Variants in SUGCT observed in about 807,000 individuals in gnomAD.
The protein encoded by SUGCT is succinyl-CoA:glutarate CoA-transferase.
Under a neutral mutation model 55.0 loss-of-function variants are expected in SUGCT, and 41 were observed. The ratio of observed to expected loss-of-function variants is 0.74; its 90% CI spans 0.58 to 0.97. The LOEUF (loss-of-function observed/expected upper bound fraction) is 0.97. Among genes scored for constraint, SUGCT ranks in the 50% least tolerant of loss-of-function variants. The probability of loss-of-function intolerance (pLI) is 0.00; values close to 1 mark genes in which losing one functional copy is unlikely to be tolerated. For synonymous variants in SUGCT, 187 were observed against 200.4 expected, an observed-to-expected ratio of 0.93 and a Z score of 0.56; for missense variants, 568 against 547.8, an observed-to-expected ratio of 1.04 and a Z score of -0.37.
the SUGCT span, among the ~76,000 whole-genome samples, chr7:40,980,201 T>A: frequency 6.6e-6 from 1 of 152,090 alleles, no homozygotes; most frequent in Non-Finnish European, 1.5e-5. Context: ...TGGTGTTTCA[T>A]CCTCACTAAT....
intron 7 of SUGCT, among the ~76,000 whole-genome samples, chr7:40,257,477 G>T (rs1249242972): frequency 6.6e-6 from 1 of 151,868 alleles, no homozygotes; most frequent in Non-Finnish European, 1.5e-5. Flanking sequence ...ACATTTCAAA[G>T]AAATGTTAAA....
At chr7:40,844,792 A>G (rs1793474468) in intron 13 of SUGCT, among the ~76,000 whole-genome samples, 1 of 152,222 alleles carries the variant, frequency 6.6e-6, no homozygotes, top group Non-Finnish European at 1.5e-5. Context: ...AAATCCAGCA[A>G]GAGATGATGG....
chr7:40,298,655 T>C (rs1794326976), intron 8 of SUGCT, among the ~76,000 whole-genome samples: 1 of 152,170 alleles, frequency 6.6e-6, no homozygotes, highest in South Asian at 2.1e-4. Flanking sequence ...AGAATTTTCC[T>C]GACCACTATC....
intron 9 of SUGCT, among the ~76,000 whole-genome samples, chr7:40,416,366 C>T (rs1787001468): frequency 1.3e-5 from 2 of 151,498 alleles, no homozygotes; most frequent in South Asian, 4.2e-4. Context: ...TCTCAGAGCC[C>T]AAATTTGAAT....
intron 8 of SUGCT, among the ~76,000 whole-genome samples, chr7:40,302,699 C>T (rs1011891502): frequency 1.3e-5 from 2 of 152,088 alleles, no homozygotes; most frequent in Non-Finnish European, 2.9e-5. Flanking sequence ...TAGACCAGGC[C>T]CACTCAAGAT....
chr7:40,424,896 C>T (rs1787506628), intron 9 of SUGCT, among the ~76,000 whole-genome samples: 1 of 151,998 alleles, frequency 6.6e-6, no homozygotes, highest in Admixed American at 6.6e-5. Flanking sequence ...AATTGCCAAG[C>T]ATAGAGTCAG....
intron 12 of SUGCT, among the ~76,000 whole-genome samples, chr7:40,679,573 A>G (rs2151883658): frequency 6.6e-6 from 1 of 152,290 alleles, no homozygotes; most frequent in Middle Eastern, 3.4e-3. Flanking sequence ...ATAGTACTCT[A>G]GACAACCTTT....
At position 40,555,183 on chromosome 7, in the gene SUGCT, T is replaced by A. The variant is rs554065340; in HGVS notation, c.1089+58797T>A. On this transcript the variant is annotated intron_variant, in intron 12 of 13. Coordinates refer to ENST00000335693, the MANE Select transcript of SUGCT (RefSeq NM_001193313.2). Reference sequence around the variant, plus strand: ...TTATGAGCCCCCAGAGCTGGACCAGTTCCCAAAGGAAATGGAAGATCAAGA... The same window carrying A: ...TTATGAGCCCCCAGAGCTGGACCAGATCCCAAAGGAAATGGAAGATCAAGA... Among the ~76,000 whole-genome samples, 8 of 152,062 alleles carry A rather than the reference T, an allele frequency of 5.3e-5. No individual in the cohort carries two copies. The South Asian group carries it at 1.7e-3, about 32-fold the overall frequency.
At chr7:40,994,561 C>T in the SUGCT span, among the ~76,000 whole-genome samples, 4 of 152,170 alleles carry the variant, frequency 2.6e-5, no homozygotes, top group Non-Finnish European at 5.9e-5. Flanking sequence ...CAGAAACCAA[C>T]CTGGCATCCA....
At chr7:40,814,705 C>T (rs12701836) in intron 13 of SUGCT, among the ~76,000 whole-genome samples, 60,877 of 151,690 alleles carry the variant, frequency 0.4, 12,980 homozygotes, top group Middle Eastern at 0.58. Flanking sequence ...CCATTTTTGT[C>T]AGGAGCCATT....
intron 9 of SUGCT, among the ~76,000 whole-genome samples, chr7:40,363,966 A>G (rs1031444934): frequency 4.6e-5 from 7 of 152,092 alleles, no homozygotes; most frequent in Admixed American, 1.3e-4. Flanking sequence ...TTTGTAGGTC[A>G]CTCAGGACTT....
chr7:40,899,520 G>A, the SUGCT span, among the ~76,000 whole-genome samples: 14 of 152,198 alleles, frequency 9.2e-5, no homozygotes, highest in Admixed American at 5.2e-4. Context: ...AGAGCACAAC[G>A]AAAAATACAA....
At chr7:40,359,767 A>G (rs1404528075) in intron 9 of SUGCT, among the ~76,000 whole-genome samples, 1 of 152,204 alleles carries the variant, frequency 6.6e-6, no homozygotes, top group Admixed American at 6.6e-5. Context: ...TGGAGATTAA[A>G]TGAGACAACA....
intron 9 of SUGCT, among the ~76,000 whole-genome samples, chr7:40,346,049 T>A (rs1160354317): frequency 3.3e-5 from 5 of 152,032 alleles, no homozygotes; most frequent in African/African-American, 9.7e-5. Flanking sequence ...GTTTTCATGT[T>A]AGTTTAGTTT....
At chr7:40,824,537 C>T (rs542659960) in intron 13 of SUGCT, among the ~76,000 whole-genome samples, 113 of 152,280 alleles carry the variant, frequency 7.4e-4, no homozygotes, top group Non-Finnish European at 1.5e-3. Flanking sequence ...GGTATGCATT[C>T]GTTGGGGTAC....
intron 7 of SUGCT, among the ~76,000 whole-genome samples, chr7:40,242,403 C>A (rs1254814570): frequency 6.6e-6 from 1 of 152,024 alleles, no homozygotes; most frequent in Non-Finnish European, 1.5e-5. Context: ...AACTCCTGAC[C>A]TCAAGTGATT....
chr7:40,190,412 G>A (rs1785821076), intron 5 of SUGCT, among the ~76,000 whole-genome samples: 1 of 152,082 alleles, frequency 6.6e-6, no homozygotes, highest in Non-Finnish European at 1.5e-5. Context: ...AGCACACCTG[G>A]CTAATTTTTG....
At chr7:40,713,697 C>A (rs1785853295) in intron 12 of SUGCT, among the ~76,000 whole-genome samples, 2 of 152,174 alleles carry the variant, frequency 1.3e-5, no homozygotes, top group East Asian at 1.9e-4. Flanking sequence ...TGTGCAAATC[C>A]TTCTCTGCAC....
chr7:40,475,992 G>A (rs555200255), intron 11 of SUGCT, among the ~76,000 whole-genome samples: 114 of 152,198 alleles, frequency 7.5e-4, no homozygotes, highest in African/African-American at 2.6e-3. Flanking sequence ...TAGCAGGGGG[G>A]TGGGATGGGG....
Sources: gnomAD v4.1 joint callset for allele counts (sites outside exome capture counted in the v4.1 genomes callset) on GRCh38, gnomAD v4.1.1 for gene constraint, MANE v1.5 for transcripts, NCBI Gene and HGNC (gene_info 2026-07-23, HGNC 2026-07-21) for gene names.